The following TMEM41A variants were observed in gnomAD, a reference collection of about 807,000 sequenced individuals.
TMEM41A encodes transmembrane protein 41A.
A neutral mutation model predicts 25.7 loss-of-function variants in TMEM41A; 20 were observed. The observed-to-expected ratio is 0.78, with a 90% CI of 0.55 to 1.13. The LOEUF is 1.13. Among genes scored for constraint, TMEM41A ranks in the 50% most tolerant of loss-of-function variants. The pLI is 0.00. For missense variants in TMEM41A, 299 were observed against 314.3 expected (o/e 0.95, Z 0.37); for synonymous variants, 133 against 139.6 (o/e 0.95, Z 0.33).
chr3:185,498,626 C>G (rs886952446), intron 1 of TMEM41A: 7 of 530,244 alleles, frequency 1.3e-5, no homozygotes, highest in Non-Finnish European at 2.3e-5. Flanking sequence ...CCACACAGGT[C>G]CCAGTCAGGC....
At position 185,494,552 on chromosome 3, in the gene TMEM41A, G is replaced by T. The variant is rs753152156; in HGVS notation, c.574+71C>A. ...CTCAGAAGCAGGCACATGCTCACGT[G>T]GCCAATAACCCAGGGCAGACCCCCA... On this transcript the variant is annotated intron_variant, in intron 4 of 4. Coordinates refer to ENST00000421852, the MANE Select transcript of TMEM41A (RefSeq NM_080652.4). 2.1e-6 allele frequency: 3 copies of T among 1,433,448 alleles called. No homozygotes were observed. In the East Asian group the frequency reaches 7.6e-5, roughly 36 times the overall value. 88.8% of individuals were successfully genotyped at this position (1,433,448 alleles called of 1,614,324 possible). A position where few individuals can be genotyped will look rare whatever the true frequency, so the allele number is the denominator to read the frequency against.
intron 2 of TMEM41A, 171 bp downstream of exon 2, chr3:185,496,657 C>G (rs1230794716): frequency 2.6e-6 from 2 of 779,872 alleles, no homozygotes; most frequent in African/African-American, 3.4e-5. Context: ...GTCAGTGTCT[C>G]CCACTTCGGT....
intron 4 of TMEM41A, chr3:185,492,163 G>GCCTT (rs1718977850): frequency 1.2e-5 from 2 of 160,656 alleles, no homozygotes; most frequent in Admixed American, 1.2e-4. Flanking sequence ...TTAGCCGGGT[G>GCCTT]TGGTGGCATG....
chr3:185,495,126 A>T (rs777847708), intron 3 of TMEM41A, 28 bp downstream of exon 3: 2 of 1,611,638 alleles, frequency 1.2e-6, no homozygotes, highest in Admixed American at 3.3e-5. Context: ...CTGGGGTCCC[A>T]GCTCTCAGAT....
rs1560148256 is a variant in TMEM41A at position 185,496,848 on chromosome 3, T to A, written c.253A>T (p.Ile85Phe). The A allele has an allele frequency of 6.2e-7, 1 of 1,607,962 alleles. No homozygotes were observed. The highest frequency in any genetic ancestry group is 8.5e-7 in the Non-Finnish European group (1 of 1,178,148). ...GAYLYKQGFAIPGSSFLNVLA... is the reference protein window; with the variant it reads ...GAYLYKQGFAFPGSSFLNVLA... ...CTGACCAGGAAGCTGGAGCCGGGGA[T>A]GGCAAAGCCCTGTTTGTAGAGGTAG... is the stretch of plus-strand genomic sequence containing the variant. The change falls in exon 2 of 5, where the codon ATC (isoleucine) becomes TTC (phenylalanine). Residue 85 changes from isoleucine (I) to phenylalanine (F), a missense_variant. Transcript: ENST00000421852.
intron 4 of TMEM41A, chr3:185,492,434 A>G (rs1720012906): frequency 6.6e-6 from 1 of 152,200 alleles, no homozygotes; most frequent in Non-Finnish European, 1.5e-5. Flanking sequence ...GTGGGCCCCA[A>G]ATTTGGTTCT....
intron 2 of TMEM41A, chr3:185,496,492 CCT>C (rs1325220712): frequency 2.8e-6 from 1 of 360,886 alleles, no homozygotes; most frequent in Non-Finnish European, 5.4e-6. Flanking sequence ...GGAGTCAGCC[CCT>C]GACCCCGAGC....
intron 1 of TMEM41A, chr3:185,498,551 C>T: frequency 3.2e-6 from 1 of 314,126 alleles, no homozygotes; most frequent in Non-Finnish European, 5.9e-6. Context: ...CGCCGCGTCT[C>T]CCTCGGCAAA....
rs1718961540 is a variant in TMEM41A, at chr3:185,491,760, GGAA to G, written c.575-6_575-4del. The G allele has an allele frequency of 6.3e-7, 1 of 1,595,224 alleles. No individual in the cohort carries two copies. The highest frequency in any genetic ancestry group is 8.5e-7 in the Non-Finnish European group (1 of 1,169,986). On this transcript the variant is annotated splice_region_variant and splice_polypyrimidine_tract_variant and intron_variant, in intron 4 of 4. Transcript: ENST00000421852. ...GATGAAATTATATGGGATCAAACCT[GGAA>G]GAAGAAAAGGACAAAGCACCTGTTA... is the stretch of plus-strand genomic sequence containing the variant.
chr3:185,498,091 C>G (rs1200960020), intron 1 of TMEM41A, among the ~76,000 whole-genome samples: 1 of 88,824 alleles, frequency 1.1e-5, no homozygotes, highest in East Asian at 2.9e-4. Context: ...ACCCCCCCCC[C>G]GCGTCCCTAC....
intron 4 of TMEM41A, chr3:185,492,724 G>A (rs1057201480): frequency 6.6e-6 from 1 of 152,196 alleles, no homozygotes; most frequent in Non-Finnish European, 1.5e-5. Context: ...CCCACCCTGA[G>A]ATTCCGATTG....
intron 2 of TMEM41A, 109 bp from the exon 3 acceptor site, chr3:185,495,424 G>A (rs2148939408): frequency 5.8e-6 from 6 of 1,033,982 alleles, no homozygotes; most frequent in Non-Finnish European, 8.4e-6. Flanking sequence ...CTTTTTTCCA[G>A]CTAAAACCCA....
intron 1 of TMEM41A, 55 bp downstream of exon 1, chr3:185,498,788 G>T: frequency 7.5e-7 from 1 of 1,326,940 alleles, no homozygotes; most frequent in Non-Finnish European, 1.0e-6. Context: ...TCCCAGCCCC[G>T]GTCCTCGGAC....
At position 185,496,681 on chromosome 3, in the gene TMEM41A, G is replaced by A. The variant is rs188714532; in HGVS notation, c.273+147C>T. On this transcript the variant is annotated intron_variant, in intron 2 of 4. Coordinates refer to ENST00000421852, the MANE Select transcript of TMEM41A (RefSeq NM_080652.4). ...TCCCACTTCGGTGCTCAATCCCTCC[G>A]TAAGTGCTGAGGGCCACTGTGTGCC... The A allele has an allele frequency of 1.2e-5, 12 of 1,005,394 alleles. No homozygotes were observed. The Admixed American group carries it at 1.2e-4, about 10-fold the overall frequency. 62.3% of individuals were successfully genotyped at this position (1,005,394 alleles called of 1,614,324 possible).
Position 185,491,307 on chromosome 3 carries a change from T to A in TMEM41A, c.*230A>T. On this transcript the variant is annotated 3_prime_UTR_variant, in exon 5 of 5. Coordinates refer to ENST00000421852, the MANE Select transcript of TMEM41A (RefSeq NM_080652.4). ...CACCGCGCCCGGCCACAAACAGCAT[T>A]TTCTAGGAGGCATCTGTTGCAGTGT... The A allele has an allele frequency of 4.8e-6, 2 of 419,640 alleles. No individual in the cohort carries two copies. The highest frequency in any genetic ancestry group is 8.7e-6 in the Non-Finnish European group (2 of 230,800). 26.0% of individuals were successfully genotyped at this position (419,640 alleles called of 1,614,324 possible). A position where few individuals can be genotyped will look rare whatever the true frequency, so the allele number is the denominator to read the frequency against.
At chr3:185,494,961 A>G in intron 3 of TMEM41A, 193 bp downstream of exon 3, 1 of 942,816 alleles carries the variant, frequency 1.1e-6, no homozygotes. Context: ...GCCCAAAGTC[A>G]CAGAGCTGGT....
chr3:185,495,184 A>G lies in TMEM41A; in HGVS notation c.405T>C (p.Phe135=). The part of the protein sequence containing the change: ...IFGKQLVVSY[F]PDKVALLQRK... ...TCTGCAGCAGGGCCACTTTATCAGG[A>G]AAGTAGGACACCACCAACTGTTTGC... Residue 135 remains phenylalanine (F), a synonymous_variant, in exon 3 of 5, where the codon TTT becomes TTC. Coordinates refer to ENST00000421852, the MANE Select transcript of TMEM41A (RefSeq NM_080652.4). The G allele has an allele frequency of 6.2e-7, 1 of 1,613,924 alleles. No individual in the cohort carries two copies.
chr3:185,495,190 G>A lies in TMEM41A; in HGVS notation c.399C>T (p.Ser133=), dbSNP rs765810528. Residue 133 remains serine (S), a synonymous_variant, in exon 3 of 5, where the codon TCC becomes TCT. Coordinates refer to ENST00000421852, the MANE Select transcript of TMEM41A (RefSeq NM_080652.4). ...GCAGGGCCACTTTATCAGGAAAGTAGGACACCACCAACTGTTTGCCAAAAA... is the reference window on the plus strand; with the variant it reads ...GCAGGGCCACTTTATCAGGAAAGTAAGACACCACCAACTGTTTGCCAAAAA... ...SSIFGKQLVV[S]YFPDKVALLQ... The A allele has an allele frequency of 3.7e-6, 6 of 1,613,840 alleles. No homozygotes were observed. The highest frequency in any genetic ancestry group is 3.3e-5 in the South Asian group (3 of 91,064).
In TMEM41A at chr3:185,491,511, G is replaced by T. The variant is rs780244719; in HGVS notation, c.*26C>A. 7 of 1,586,360 alleles carry T rather than the reference G, an allele frequency of 4.4e-6. No individual in the cohort carries two copies. The East Asian group carries it at 1.6e-4, about 35-fold the overall frequency. ...TTACACAAATAAGCAACTGAGTCCA[G>T]GGATGTGGCAAACAGAAAATCCAGA... On this transcript the variant is annotated 3_prime_UTR_variant, in exon 5 of 5. Transcript: ENST00000421852.
Sources: allele counts gnomAD v4.1 joint callset (sites outside exome capture counted in the v4.1 genomes callset), GRCh38; gene constraint gnomAD v4.1.1; transcripts MANE v1.5; gene names NCBI Gene and HGNC (gene_info 2026-07-23, HGNC 2026-07-21).